The following E2F1 variants were observed in gnomAD, a reference collection of about 807,000 sequenced individuals.
The protein encoded by E2F1 is transcription factor E2F1.
E2F1 carries 7 observed loss-of-function variants against 36.9 expected under a neutral mutation model. The ratio of observed to expected loss-of-function variants is 0.19; its 90% CI spans 0.11 to 0.36. The LOEUF (loss-of-function observed/expected upper bound fraction) is 0.36. Among genes scored for constraint, E2F1 ranks in the 10% least tolerant of loss-of-function variants. The pLI is 1.00. For synonymous variants in E2F1, 261 were observed against 263.1 expected (o/e 0.99, Z 0.08); for missense variants, 406 against 573.6 (o/e 0.71, Z 2.99).
Position 33,679,887 on chromosome 20 carries a change from G to A in E2F1, c.440C>T (p.Ala147Val), listed in dbSNP as rs751015434. ...CCAGTTCAGGTCGACGACACCGTCA[G>A]CCGAGTGGCTCAGCAGCTCCAGGAA... is the stretch of plus-strand genomic sequence containing the variant. ...KRFLELLSHS[A>V]DGVVDLNWAA... Residue 147 changes from alanine to valine, a missense_variant, in exon 3 of 7, where the codon GCT (alanine) becomes GTT (valine). Ala to Val is a moderately conservative substitution (Grantham distance 64). Around this residue, in one of 5 missense-constraint regions of E2F1, gnomAD observed 77 missense variants for 131.7 expected, o/e 0.58. Coordinates refer to ENST00000343380, the MANE Select transcript of E2F1 (RefSeq NM_005225.3). The surrounding 1 kb of genome is among the most constrained non-coding windows in gnomAD (Gnocchi z 4.6). The A allele has an allele frequency of 6.2e-7, 1 of 1,614,256 alleles. No homozygotes were observed. Among genetic ancestry groups the A allele is most frequent in the Admixed American group, 1.7e-5 (1 of 60,034 alleles).
chr20:33,680,264 G>T, intron 2 of E2F1, 62 bp downstream of exon 2: 1 of 1,541,868 alleles, frequency 6.5e-7, no homozygotes, highest in African/African-American at 1.4e-5. Context: ...ATGTTTGTCT[G>T]TTCACATCCC....
At position 33,678,125 on chromosome 20, in the gene E2F1, CCT is replaced by C; in HGVS notation, c.725+74_725+75del. ...ATCAGAGCTCTCTCTTAAATCCAAGCCTCTCTAGTCCCACTTGGGTGGAGCCC... is the reference window on the plus strand; with the variant it reads ...ATCAGAGCTCTCTCTTAAATCCAAGCCTCTAGTCCCACTTGGGTGGAGCCC... On this transcript the variant is annotated intron_variant, in intron 4 of 6. Transcript: ENST00000343380. 4 of 1,500,936 alleles carry C rather than the reference CCT, an allele frequency of 2.7e-6. No homozygotes were observed. In the South Asian group the frequency reaches 5.3e-5, roughly 20 times the overall value. The allele number at this position is 1,500,936 out of a possible 1,614,324, so 93.0% of individuals were successfully genotyped here. A position where few individuals can be genotyped will look rare whatever the true frequency, so the allele number is the denominator to read the frequency against.
Position 33,679,738 on chromosome 20 carries a change from G to C in E2F1, c.572+17C>G. 1 of 1,611,118 alleles carries C rather than the reference G, an allele frequency of 6.2e-7. No homozygotes were observed. Among genetic ancestry groups the C allele is most frequent in the Non-Finnish European group, 8.5e-7 (1 of 1,178,534 alleles). ...CATGGGCAGGTGTGCCTGCCCTCCTGTGTGGCCGGTACCTACAGCCACTGG... is the reference window on the plus strand; with the variant it reads ...CATGGGCAGGTGTGCCTGCCCTCCTCTGTGGCCGGTACCTACAGCCACTGG... On this transcript the variant is annotated intron_variant, in intron 3 of 6. Transcript: ENST00000343380. This position sits in a 1 kb window ranked among gnomAD's most constrained non-coding sequence, Gnocchi z 4.6.
chr20:33,677,665 C>A (rs528795310), intron 4 of E2F1, 125 bp from the exon 5 acceptor site: 127 of 660,160 alleles, frequency 1.9e-4, no homozygotes, highest in Admixed American at 1.4e-3. Flanking sequence ...CCACTCAAAA[C>A]CTACCTCACG....
chr20:33,684,718 T>C (rs1415931882), intron 1 of E2F1, among the ~76,000 whole-genome samples: 1 of 152,110 alleles, frequency 6.6e-6, no homozygotes. Flanking sequence ...TTATTAGCAT[T>C]GTGGTGATTC....
At chr20:33,681,088 G>A (rs1003084358) in intron 1 of E2F1, among the ~76,000 whole-genome samples, 1 of 151,968 alleles carries the variant, frequency 6.6e-6, no homozygotes, top group Admixed American at 6.6e-5. Flanking sequence ...GACTATGCTG[G>A]AGTGCAGTGG....
chr20:33,685,978 C>G, intron 1 of E2F1, 26 bp downstream of exon 1: 1 of 1,126,234 alleles, frequency 8.9e-7, no homozygotes. Context: ...GCGGCGCTGT[C>G]GGCGCGGCGT....
At chr20:33,682,767 G>A (rs376204015) in intron 1 of E2F1, among the ~76,000 whole-genome samples, 83 of 152,320 alleles carry the variant, frequency 5.4e-4, no homozygotes, top group Middle Eastern at 3.4e-3. Flanking sequence ...AGGGGGTCAC[G>A]AAAGCTGTGC....
At position 33,679,973 on chromosome 20, in the gene E2F1, A is replaced by C. The variant is rs771050488; in HGVS notation, c.354T>G (p.Gly118=). 1 of 1,612,490 alleles carries C rather than the reference A, an allele frequency of 6.2e-7. No homozygotes were observed. The highest frequency in any genetic ancestry group is 1.1e-5 in the South Asian group (1 of 90,900). ...GTGACTTCTCCCCCGGGGATTTCAC[A>C]CCTGTGGGGGTGTGGTCAGGCAAGA... ...ARGRGRHPGK[G]VKSPGEKSRY... Residue 118 remains glycine, a splice_region_variant and synonymous_variant, in exon 3 of 7, where the codon GGT becomes GGG. Transcript: ENST00000343380. The surrounding 1 kb of genome is among the most constrained non-coding windows in gnomAD (Gnocchi z 4.6).
At chr20:33,685,384 C>A (rs1196297319) in intron 1 of E2F1, among the ~76,000 whole-genome samples, 1 of 152,002 alleles carries the variant, frequency 6.6e-6, no homozygotes, top group Non-Finnish European at 1.5e-5. Flanking sequence ...GCCGGCCAGG[C>A]CTGCACCTGG....
intron 2 of E2F1, 84 bp from the exon 3 acceptor site, chr20:33,680,058 G>A: frequency 2.1e-5 from 26 of 1,212,930 alleles, no homozygotes; most frequent in South Asian, 1.7e-4. Context: ...GCAGTGCAGG[G>A]CAGCAGGATG....
At position 33,678,919 on chromosome 20, in the gene E2F1, C is replaced by T. The variant is rs545888219; in HGVS notation, c.573-566G>A. Among the ~76,000 whole-genome samples, 368 of 151,972 alleles carry T rather than the reference C, an allele frequency of 2.4e-3. 2 individuals carry two copies. The highest frequency in any genetic ancestry group is 2.9e-3 in the Non-Finnish European group (195 of 67,950). ...TTGTGCCTCCATACTCCAGCCTGGG[C>T]GACAGAGCAACACCCTGTCTCAAAC... On this transcript the variant is annotated intron_variant, in intron 3 of 6. Coordinates refer to ENST00000343380, the MANE Select transcript of E2F1 (RefSeq NM_005225.3).
Position 33,675,981 on chromosome 20 carries a change from AGTCT to A in E2F1, c.*747_*750del, listed in dbSNP as rs1324179592. The A allele has an allele frequency of 6.5e-6, 1 of 152,866 alleles. No individual in the cohort carries two copies. The highest frequency in any genetic ancestry group is 2.4e-5 in the African/African-American group (1 of 41,446). The allele number at this position is 152,866 out of a possible 1,614,324, so 9.5% of individuals were successfully genotyped here. A position where few individuals can be genotyped will look rare whatever the true frequency, so the allele number is the denominator to read the frequency against. On this transcript the variant is annotated 3_prime_UTR_variant, in exon 7 of 7. Coordinates refer to ENST00000343380, the MANE Select transcript of E2F1 (RefSeq NM_005225.3). Reference sequence around the variant, plus strand: ...ATCTGACCACCCATGGCTGTCAGTCAGTCTGTCTCCCTCCCTCACTTTCCCAATA... The same window carrying A: ...ATCTGACCACCCATGGCTGTCAGTCAGTCTCCCTCCCTCACTTTCCCAATA...
chr20:33,685,104 G>A (rs768576624), intron 1 of E2F1, among the ~76,000 whole-genome samples: 1 of 152,198 alleles, frequency 6.6e-6, no homozygotes, highest in South Asian at 2.1e-4. Context: ...CGATCAGGGA[G>A]GGCTTTATTA....
At chr20:33,682,870 A>G (rs1160048956) in intron 1 of E2F1, among the ~76,000 whole-genome samples, 1 of 152,242 alleles carries the variant, frequency 6.6e-6, no homozygotes, top group Non-Finnish European at 1.5e-5. Flanking sequence ...AAACACTGTC[A>G]CAGGGCGATA....
chr20:33,680,355 G>T lies in E2F1; in HGVS notation c.323C>A (p.Ala108Asp), dbSNP rs1159129500. 9 of 1,614,216 alleles carry T rather than the reference G, an allele frequency of 5.6e-6. No individual in the cohort carries two copies. Among genetic ancestry groups the T allele is most frequent in the Non-Finnish European group, 7.6e-6 (9 of 1,180,034 alleles). The change falls in exon 2 of 7, where the codon GCT becomes GAT. Residue 108 changes from alanine (A) to aspartate (D), a missense_variant. Ala to Asp is a moderately radical substitution (Grantham distance 126). Transcript: ENST00000343380. ...HQYLAESSGP[A>D]RGRGRHPGKG... ...TCCTGGATGGCGGCCTCTGCCCCGAGCTGGCCCACTGCTCTCGGCCAGGTA... is the reference window on the plus strand; with the variant it reads ...TCCTGGATGGCGGCCTCTGCCCCGATCTGGCCCACTGCTCTCGGCCAGGTA...
Position 33,676,787 on chromosome 20 carries a change from C to T in E2F1, c.1259G>A (p.Gly420Asp), listed in dbSNP as rs749840514. 1.7e-5 allele frequency: 27 copies of T among 1,605,608 alleles called. No homozygotes were observed. In the East Asian group the frequency reaches 6.1e-4, roughly 36 times the overall value. The stretch of plus-strand genomic sequence containing the variant: ...GTCACAGTCGAAGAGGTCTCTGATG[C>T]CCTCGCCCTCCTCGAGGCCGAAGTG... ...DYHFGLEEGE[G>D]IRDLFDCDFG... The change falls in exon 7 of 7, where the codon GGC becomes GAC. Residue 420 changes from glycine to aspartate, a missense_variant. Around this residue, in one of 5 missense-constraint regions of E2F1, gnomAD observed 163 missense variants for 181.5 expected, o/e 0.90. Transcript: ENST00000343380.
intron 1 of E2F1, among the ~76,000 whole-genome samples, chr20:33,681,021 G>A (rs943627337): frequency 6.6e-6 from 1 of 152,116 alleles, no homozygotes; most frequent in Admixed American, 6.5e-5. Flanking sequence ...TATAATAAAT[G>A]TTTGTTGTTT....
At chr20:33,684,220 A>C in intron 1 of E2F1, among the ~76,000 whole-genome samples, 1 of 152,176 alleles carries the variant, frequency 6.6e-6, no homozygotes, top group Admixed American at 6.5e-5. Flanking sequence ...CCTAGAACCC[A>C]TAATCCTGTT....
Sources: gnomAD v4.1 joint callset for allele counts (sites outside exome capture counted in the v4.1 genomes callset) on GRCh38, gnomAD v4.1.1 for gene constraint, gnomAD v4.1.1 regional missense constraint, Gnocchi (gnomAD v3.1) non-coding constraint, MANE v1.5 for transcripts, NCBI Gene and HGNC (gene_info 2026-07-23, HGNC 2026-07-21) for gene names.